The following ZNF638 variants were observed in gnomAD, a reference collection of about 807,000 sequenced individuals.
The protein encoded by ZNF638 is zinc finger protein 638.
Under a neutral mutation model 195.6 loss-of-function variants are expected in ZNF638, and 46 were observed. That is an observed-to-expected ratio of 0.24 (90% CI 0.19 to 0.30). The LOEUF (loss-of-function observed/expected upper bound fraction) is 0.30, where lower values mean the gene tolerates loss of function less well. ZNF638 is among the 10% of genes least tolerant of loss of function. The pLI is 1.00. For missense variants in ZNF638, 2,440 were observed against 2,325.3 expected (o/e 1.05, Z -1.01); for synonymous variants, 845 against 772.0 (o/e 1.09, Z -1.57).
intron 23 of ZNF638, among the ~76,000 whole-genome samples, chr2:71,425,054 C>G (rs1389038251): frequency 6.6e-6 from 1 of 152,148 alleles, no homozygotes; most frequent in African/African-American, 2.4e-5. Flanking sequence ...GTGAAAGAGA[C>G]TGACATTTGA....
rs2080464358 is a variant in ZNF638, at chr2:71,423,054, T to C, written c.3540T>C (p.Leu1180=). 1 of 1,614,156 alleles carries C rather than the reference T, an allele frequency of 6.2e-7. No homozygotes were observed. Among genetic ancestry groups the C allele is most frequent in the East Asian group, 2.2e-5 (1 of 44,876 alleles). ...QGEEVKEEIP[L]VASASVSIEQ... is the part of the protein sequence containing the mutation. ...AGGAGGTCAAAGAAGAAATTCCTCT[T>C]GTAGCATCCGCTTCAGTCAGTATTG... The change falls in exon 22 of 28, where the codon CTT becomes CTC. Residue 1180 remains leucine, a synonymous_variant. Coordinates refer to ENST00000264447, the MANE Select transcript of ZNF638 (RefSeq NM_014497.5).
chr2:71,340,616 G>A (rs562294928), intron 1 of ZNF638, among the ~76,000 whole-genome samples: 1 of 152,150 alleles, frequency 6.6e-6, no homozygotes, highest in Non-Finnish European at 1.5e-5. Context: ...GTTAGTGGTA[G>A]TTTTCCCTTT....
chr2:71,373,034 A>G (rs2079343455), intron 8 of ZNF638, among the ~76,000 whole-genome samples: 2 of 152,190 alleles, frequency 1.3e-5, no homozygotes, highest in African/African-American at 4.8e-5. Context: ...TACCTACCCA[A>G]TGGAATGGTT....
At chr2:71,387,815 C>T (rs1302960905) in intron 10 of ZNF638, among the ~76,000 whole-genome samples, 1 of 152,104 alleles carries the variant, frequency 6.6e-6, no homozygotes, top group Non-Finnish European at 1.5e-5. Flanking sequence ...AGACATTTGA[C>T]TACATAAAAT....
chr2:71,380,754 A>C, intron 10 of ZNF638, 189 bp downstream of exon 10: 1 of 438,794 alleles, frequency 2.3e-6, no homozygotes, highest in Non-Finnish European at 4.0e-6. Flanking sequence ...TCACTTCTGG[A>C]GTAAATACAA....
chr2:71,364,113 C>T lies in ZNF638; in HGVS notation c.1578C>T (p.Cys526=), dbSNP rs762458208. The change falls in exon 5 of 28, where the codon TGC becomes TGT. Residue 526 remains cysteine, a synonymous_variant. Transcript: ENST00000264447. ...YRPRSRSPRI[C]HRFISRYRSR... ...CGAGAAGTCGAAGTCCAAGAATTTGCCATCGTTTCATTTCTAGATACAGAT... is the reference window on the plus strand; with the variant it reads ...CGAGAAGTCGAAGTCCAAGAATTTGTCATCGTTTCATTTCTAGATACAGAT... 9 of 1,614,110 alleles carry T rather than the reference C, an allele frequency of 5.6e-6. No individual in the cohort carries two copies. Among genetic ancestry groups the T allele is most frequent in the Non-Finnish European group, 7.6e-6 (9 of 1,180,020 alleles).
At chr2:71,396,892 A>G (rs2079904954) in intron 11 of ZNF638, among the ~76,000 whole-genome samples, 1 of 152,222 alleles carries the variant, frequency 6.6e-6, no homozygotes, top group Admixed American at 6.5e-5. Flanking sequence ...AGTTGCAGTG[A>G]GCTGAGATCT....
intron 13 of ZNF638, 86 bp from the exon 14 acceptor site, chr2:71,400,026 C>T (rs1232821295): frequency 8.7e-7 from 1 of 1,148,006 alleles, no homozygotes; most frequent in Non-Finnish European, 1.2e-6. Context: ...CTTGAAATGT[C>T]AAACTAGCTT....
intron 1 of ZNF638, among the ~76,000 whole-genome samples, chr2:71,345,152 G>C (rs1020566935): frequency 6.6e-6 from 1 of 152,078 alleles, no homozygotes; most frequent in Non-Finnish European, 1.5e-5. Flanking sequence ...TCTTACTGTA[G>C]CTGATTTATA....
In ZNF638 at chr2:71,411,034, G is replaced by A. The variant is rs183849096; in HGVS notation, c.3261+2787G>A. 1.1e-4 allele frequency among the ~76,000 whole-genome samples: 13 copies of A among 121,612 alleles called. 1 individual carries two copies. In the East Asian group the frequency reaches 3.1e-3, roughly 29 times the overall value. 79.8% of individuals were successfully genotyped at this position (121,612 alleles called of 152,430 possible). A position where few individuals can be genotyped will look rare whatever the true frequency, so the allele number is the denominator to read the frequency against. On this transcript the variant is annotated intron_variant, in intron 20 of 27. Transcript: ENST00000264447. ...TTTTGTCGAGATGGAGCCTGGCTCT[G>A]TTGTCCAGGCTGGAGTGCAGTGGCG... is the stretch of plus-strand genomic sequence containing the variant.
At chr2:71,387,239 A>G (rs1267531173) in intron 10 of ZNF638, among the ~76,000 whole-genome samples, 2 of 152,240 alleles carry the variant, frequency 1.3e-5, no homozygotes, top group Non-Finnish European at 2.9e-5. Flanking sequence ...ATAGACAAAA[A>G]GTAGGACAGA....
intron 3 of ZNF638, among the ~76,000 whole-genome samples, chr2:71,360,871 C>T (rs896766831): frequency 6.6e-6 from 1 of 152,122 alleles, no homozygotes; most frequent in Non-Finnish European, 1.5e-5. Context: ...ACTAGTTGGG[C>T]AGTATAGAGG....
At chr2:71,336,372 CAAAAAAAAAAAAAAAAA>C (rs66593443) in intron 1 of ZNF638, among the ~76,000 whole-genome samples, 2 of 105,558 alleles carry the variant, frequency 1.9e-5, no homozygotes, top group Non-Finnish European at 3.8e-5. Context: ...ATTCCATCTC[CAAAAAAAAAAAAAAAAA>C]AAAAAAAAAA....
rs2080355361 is a variant in ZNF638 at position 71,418,650 on chromosome 2, TTA to T, written c.3299+13_3299+14del. 1.3e-6 allele frequency: 2 copies of T among 1,548,722 alleles called. No homozygotes were observed. Among genetic ancestry groups the T allele is most frequent in the African/African-American group, 1.4e-5 (1 of 72,150 alleles). On this transcript the variant is annotated intron_variant, in intron 21 of 27. Coordinates refer to ENST00000264447, the MANE Select transcript of ZNF638 (RefSeq NM_014497.5). Reference sequence around the variant, plus strand: ...ATTAGAAAAAGAAAGGTATGTTGCTTTATGTTTACTAACACTTTTGTATAGTA... The same window carrying T: ...ATTAGAAAAAGAAAGGTATGTTGCTTTGTTTACTAACACTTTTGTATAGTA...
At chr2:71,433,016 G>A in intron 26 of ZNF638, 149 bp from the exon 27 acceptor site, 1 of 672,738 alleles carries the variant, frequency 1.5e-6, no homozygotes, top group Admixed American at 2.3e-5. Flanking sequence ...GAACCCAGGA[G>A]GCAGAGGTTG....
intron 1 of ZNF638, among the ~76,000 whole-genome samples, chr2:71,347,163 G>A (rs571477754): frequency 5.3e-5 from 8 of 152,186 alleles, no homozygotes; most frequent in Non-Finnish European, 5.9e-5. Flanking sequence ...TTGATTGGAA[G>A]AGATGAAGAG....
rs763592795 is a variant in ZNF638, at chr2:71,433,246, A to G, written c.5834A>G (p.Asn1945Ser). 3 of 1,614,082 alleles carry G rather than the reference A, an allele frequency of 1.9e-6. No homozygotes were observed. Among genetic ancestry groups the G allele is most frequent in the Non-Finnish European group, 2.5e-6 (3 of 1,179,930 alleles). ...TACTCAGGTGAAAAAGCAATGACAA[A>G]TCACTGCAAGAGTACACGTCATAAG... ...LFYSGEKAMT[N>S]HCKSTRHKQN... The change falls in exon 27 of 28, where the codon AAT (asparagine) becomes AGT (serine). Residue 1945 changes from asparagine (N) to serine (S), a missense_variant. Asn to Ser is a conservative substitution (Grantham distance 46, BLOSUM62 1). Around this residue, in one of 5 missense-constraint regions of ZNF638, gnomAD observed 1,883 missense variants for 1,739.1 expected, o/e 1.08. Transcript: ENST00000264447.
intron 3 of ZNF638, among the ~76,000 whole-genome samples, chr2:71,357,608 G>A (rs145385732): frequency 4.6e-5 from 7 of 152,230 alleles, no homozygotes; most frequent in African/African-American, 1.4e-4. Context: ...TTATAGCTAC[G>A]TTAATTTACT....
rs376994551 is a variant in ZNF638, at chr2:71,423,063, C to T, written c.3549C>T (p.Ser1183=). Residue 1183 remains serine (S), a synonymous_variant, in exon 22 of 28, where the codon TCC becomes TCT. Transcript: ENST00000264447. The part of the protein sequence containing the change: ...EVKEEIPLVA[S]ASVSIEQFTE... ...AAGAAGAAATTCCTCTTGTAGCATC[C>T]GCTTCAGTCAGTATTGAACAATTCA... 3.6e-5 allele frequency: 58 copies of T among 1,613,962 alleles called. 1 individual carries two copies. Among genetic ancestry groups the T allele is most frequent in the Middle Eastern group, 1.6e-4 (1 of 6,084 alleles).
Sources: gnomAD v4.1 joint callset for allele counts (sites outside exome capture counted in the v4.1 genomes callset) on GRCh38, gnomAD v4.1.1 for gene constraint, gnomAD v4.1.1 regional missense constraint, MANE v1.5 for transcripts, NCBI Gene and HGNC (gene_info 2026-07-23, HGNC 2026-07-21) for gene names.